Variants in TBL1XR1 observed in about 807,000 individuals in gnomAD.
The protein encoded by TBL1XR1 is TBL1X/Y related 1.
Under a neutral mutation model 66.9 loss-of-function variants are expected in TBL1XR1, and 5 were observed. That is an observed-to-expected ratio of 0.07 (90% CI 0.04 to 0.16). TBL1XR1 has a LOEUF of 0.16. Among genes scored for constraint, TBL1XR1 ranks in the 10% least tolerant of loss-of-function variants. The pLI is 1.00. For missense variants in TBL1XR1, 238 were observed against 623.2 expected (o/e 0.38, Z 6.58); for synonymous variants, 210 against 206.0 (o/e 1.02, Z -0.17).
rs1030851053 is a variant in TBL1XR1 at position 177,019,854 on chromosome 3, T to G, written c.*5644A>C. On this transcript the variant is annotated 3_prime_UTR_variant, in exon 16 of 16. Transcript: ENST00000457928. Reference sequence around the variant, plus strand: ...TGCCATGCAATAAAAGTTAACCCCTTGAAAATGAAAGCATGTCAGTTCTAG... The same window carrying G: ...TGCCATGCAATAAAAGTTAACCCCTGGAAAATGAAAGCATGTCAGTTCTAG... 1.2e-4 allele frequency: 19 copies of G among 152,116 alleles called. No homozygotes were observed. The highest frequency in any genetic ancestry group is 4.3e-4 in the African/African-American group (18 of 41,436). The allele number at this position is 152,116 out of a possible 1,614,324, so 9.4% of individuals were successfully genotyped here.
chr3:177,118,938 TA>T (rs1239661426), intron 1 of TBL1XR1, among the ~76,000 whole-genome samples: 1 of 152,104 alleles, frequency 6.6e-6, no homozygotes, highest in Non-Finnish European at 1.5e-5. Context: ...TATAAGCTCA[TA>T]AAAACAAAGA....
chr3:177,128,825 C>G (rs891496478), intron 1 of TBL1XR1, among the ~76,000 whole-genome samples: 12 of 152,156 alleles, frequency 7.9e-5, no homozygotes, highest in Non-Finnish European at 1.8e-4. Flanking sequence ...GATAGAGTTC[C>G]TTTATTGTGA....
intron 14 of TBL1XR1, among the ~76,000 whole-genome samples, chr3:177,029,081 C>T (rs945695102): frequency 2.0e-5 from 3 of 151,370 alleles, no homozygotes; most frequent in African/African-American, 7.3e-5. Flanking sequence ...AAATATCAGA[C>T]CTCAGTGATA....
intron 1 of TBL1XR1, among the ~76,000 whole-genome samples, chr3:177,131,787 C>T (rs1285876396): frequency 6.6e-6 from 1 of 152,030 alleles, no homozygotes; most frequent in Non-Finnish European, 1.5e-5. Flanking sequence ...CAGGCGTGAG[C>T]CACCATACCC....
intron 2 of TBL1XR1, among the ~76,000 whole-genome samples, chr3:177,072,978 C>T (rs916298897): frequency 1.8e-4 from 27 of 151,964 alleles, no homozygotes; most frequent in African/African-American, 6.5e-4. Context: ...GCAGGAGAAT[C>T]GCTTGAACCC....
intron 14 of TBL1XR1, among the ~76,000 whole-genome samples, chr3:177,031,309 A>G (rs1401070076): frequency 1.3e-5 from 2 of 152,110 alleles, no homozygotes; most frequent in East Asian, 3.9e-4. Context: ...TAATAATAAA[A>G]ATTAAAGCAG....
intron 1 of TBL1XR1, among the ~76,000 whole-genome samples, chr3:177,183,970 C>G (rs1735123983): frequency 6.6e-6 from 1 of 151,154 alleles, no homozygotes; most frequent in Non-Finnish European, 1.5e-5. Context: ...ACTCTCCTAC[C>G]TAGTCTCCTG....
At chr3:177,074,302 C>A (rs1720415938) in intron 2 of TBL1XR1, among the ~76,000 whole-genome samples, 1 of 152,176 alleles carries the variant, frequency 6.6e-6, no homozygotes, top group Admixed American at 6.5e-5. Context: ...CACTGCTATT[C>A]CTGACTGCAT....
intron 1 of TBL1XR1, among the ~76,000 whole-genome samples, chr3:177,106,661 A>C (rs1724930088): frequency 6.6e-6 from 1 of 152,236 alleles, no homozygotes; most frequent in Non-Finnish European, 1.5e-5. Flanking sequence ...ATCAGTGCCT[A>C]GCATAGTAAT....
At chr3:177,152,273 C>T (rs1285685908) in intron 1 of TBL1XR1, among the ~76,000 whole-genome samples, 1 of 151,976 alleles carries the variant, frequency 6.6e-6, no homozygotes, top group Non-Finnish European at 1.5e-5. Context: ...ACTCCCAGAT[C>T]TATCTTCTCA....
intron 1 of TBL1XR1, among the ~76,000 whole-genome samples, chr3:177,118,311 AAAC>A (rs1333771044): frequency 1.3e-5 from 2 of 152,226 alleles, no homozygotes; most frequent in Non-Finnish European, 2.9e-5. Flanking sequence ...CACTGTGAAC[AAAC>A]AACTATACGT....
chr3:177,193,343 C>T (rs868734528), intron 1 of TBL1XR1, among the ~76,000 whole-genome samples: 3 of 151,792 alleles, frequency 2.0e-5, no homozygotes, highest in Non-Finnish European at 4.4e-5. Context: ...GGGTGTCTCC[C>T]TCTATCGCCC....
chr3:177,058,521 C>T (rs900056338), intron 3 of TBL1XR1, among the ~76,000 whole-genome samples: 1 of 152,134 alleles, frequency 6.6e-6, no homozygotes, highest in Non-Finnish European at 1.5e-5. Context: ...CACGCCATAG[C>T]TGGACCTTCG....
rs1209207692 is a variant in TBL1XR1, at chr3:177,037,400, T to C, written c.1122+698A>G. 3 of 152,340 alleles carry C rather than the reference T, an allele frequency of 2.0e-5. No individual in the cohort carries two copies. The South Asian group carries it at 6.2e-4, about 32-fold the overall frequency. 9.4% of individuals were successfully genotyped at this position (152,340 alleles called of 1,614,324 possible). On this transcript the variant is annotated intron_variant, in intron 12 of 15. Transcript: ENST00000457928. Reference sequence around the variant, plus strand: ...TCTTGACTGAGTCACAGGGTACAGATATTTGGTGAGACATTATTTCCGGCT... The same window carrying C: ...TCTTGACTGAGTCACAGGGTACAGACATTTGGTGAGACATTATTTCCGGCT...
chr3:177,186,750 T>TC (rs764198214), intron 1 of TBL1XR1, among the ~76,000 whole-genome samples: 1 of 152,120 alleles, frequency 6.6e-6, no homozygotes, highest in Non-Finnish European at 1.5e-5. Flanking sequence ...ACTTAAATAC[T>TC]CTAAAAAAAA....
At chr3:177,106,174 A>G (rs1577183759) in intron 1 of TBL1XR1, among the ~76,000 whole-genome samples, 1 of 152,178 alleles carries the variant, frequency 6.6e-6, no homozygotes, top group South Asian at 2.1e-4. Context: ...AAATGCATAA[A>G]AAACACATAA....
intron 1 of TBL1XR1, among the ~76,000 whole-genome samples, chr3:177,186,400 T>C (rs1165789863): frequency 6.6e-6 from 1 of 152,066 alleles, no homozygotes; most frequent in Non-Finnish European, 1.5e-5. Context: ...AAAAAGGTAA[T>C]TGCAGAAAAA....
chr3:177,182,704 G>C (rs1734973507), intron 1 of TBL1XR1, among the ~76,000 whole-genome samples: 1 of 152,172 alleles, frequency 6.6e-6, no homozygotes, highest in Admixed American at 6.5e-5. Flanking sequence ...GCCTGTGCTA[G>C]AAACACATGA....
upstream of TBL1XR1, among the ~76,000 whole-genome samples, chr3:177,198,865 GACAC>G (rs57636923): frequency 0.07 from 10,399 of 148,020 alleles, 427 homozygotes; most frequent in East Asian, 0.14. Flanking sequence ...GAAGTTTTGC[GACAC>G]ACACACACAC....
Sources: allele counts gnomAD v4.1 joint callset (sites outside exome capture counted in the v4.1 genomes callset), GRCh38; gene constraint gnomAD v4.1.1; transcripts MANE v1.5; gene names NCBI Gene and HGNC (gene_info 2026-07-23, HGNC 2026-07-21).